MAGI2: variants seen among roughly 807,000 people sequenced by gnomAD.
MAGI2 encodes the protein membrane-associated guanylate kinase, WW and PDZ domain-containing protein 2.
A neutral mutation model predicts 133.3 loss-of-function variants in MAGI2; 35 were observed. The observed-to-expected ratio is 0.26, with a 90% CI of 0.20 to 0.35. The LOEUF is 0.35. Ranked by LOEUF, MAGI2 falls within the 10% of genes least tolerant of loss-of-function variation. The pLI is 1.00. For synonymous variants in MAGI2, 729 were observed against 710.6 expected (o/e 1.03, Z -0.41); for missense variants, 1,636 against 1,863.4 (o/e 0.88, Z 2.25).
intron 6 of MAGI2, among the ~76,000 whole-genome samples, chr7:78,384,187 T>C (rs1585076124): frequency 1.3e-5 from 2 of 152,262 alleles, no homozygotes; most frequent in East Asian, 3.9e-4. Context: ...GTTTGGACAA[T>C]GTAGTCATTT....
intron 5 of MAGI2, among the ~76,000 whole-genome samples, chr7:78,497,438 GT>G (rs1794189270): frequency 6.6e-6 from 1 of 152,164 alleles, no homozygotes; most frequent in Non-Finnish European, 1.5e-5. Flanking sequence ...TGGCCTGCTA[GT>G]TTACCAGGGT....
At chr7:78,867,253 C>T (rs1012691864) in intron 2 of MAGI2, among the ~76,000 whole-genome samples, 14 of 151,224 alleles carry the variant, frequency 9.3e-5, no homozygotes, top group South Asian at 2.1e-4. Flanking sequence ...ATGTTTATTG[C>T]GGCATTATTC....
At chr7:79,195,745 A>G (rs2129551504) in intron 1 of MAGI2, among the ~76,000 whole-genome samples, 1 of 151,928 alleles carries the variant, frequency 6.6e-6, no homozygotes, top group Admixed American at 6.6e-5. Flanking sequence ...TATTAAAGTA[A>G]TATCTGTCCT....
intron 21 of MAGI2, among the ~76,000 whole-genome samples, chr7:78,077,129 G>C (rs1585030693): frequency 6.6e-6 from 1 of 151,950 alleles, no homozygotes; most frequent in African/African-American, 2.4e-5. Flanking sequence ...AGTCATGCAG[G>C]TTAGATTAAC....
chr7:78,421,490 G>A (rs1006361219), intron 6 of MAGI2, among the ~76,000 whole-genome samples: 26 of 152,034 alleles, frequency 1.7e-4, no homozygotes, highest in African/African-American at 5.6e-4. Flanking sequence ...GATTATTTTC[G>A]TCACATATAA....
At chr7:78,649,242 A>AAAAAAAAAAAAAAAAG (rs1554512645) in intron 2 of MAGI2, among the ~76,000 whole-genome samples, 1 of 149,550 alleles carries the variant, frequency 6.7e-6, no homozygotes, top group Non-Finnish European at 1.5e-5. Context: ...AAAAGAAAAA[A>AAAAAAAAAAAAAAAAG]AAAGAAAAAA....
At chr7:79,172,534 CAT>C (rs1825717136) in intron 1 of MAGI2, among the ~76,000 whole-genome samples, 2 of 151,944 alleles carry the variant, frequency 1.3e-5, no homozygotes, top group Non-Finnish European at 2.9e-5. Context: ...ATTGATATAT[CAT>C]GTTAATAGTT....
intron 1 of MAGI2, among the ~76,000 whole-genome samples, chr7:79,100,190 AT>A (rs1021279273): frequency 3.3e-5 from 5 of 152,012 alleles, no homozygotes; most frequent in African/African-American, 1.2e-4. Flanking sequence ...CTTTATTATT[AT>A]TTTAGTATTA....
chr7:78,732,133 C>A (rs1821423028), intron 2 of MAGI2, among the ~76,000 whole-genome samples: 1 of 152,086 alleles, frequency 6.6e-6, no homozygotes, highest in Non-Finnish European at 1.5e-5. Context: ...TTAGGAAGAG[C>A]ACCTCCATCA....
chr7:79,177,217 T>G (rs1826179495), intron 1 of MAGI2: 1 of 152,044 alleles, frequency 6.6e-6, no homozygotes, highest in African/African-American at 2.4e-5. Context: ...ATAATTTCTT[T>G]TGTACTATAT....
At chr7:78,517,777 C>T (rs10246978) in intron 4 of MAGI2, among the ~76,000 whole-genome samples, 90,966 of 151,870 alleles carry the variant, frequency 0.6, 27,617 homozygotes, top group African/African-American at 0.69. Flanking sequence ...TTACTAGGTG[C>T]CATGGGCTAA....
intron 5 of MAGI2, among the ~76,000 whole-genome samples, chr7:78,495,889 AT>A (rs1332369194): frequency 1.9e-4 from 29 of 152,274 alleles, no homozygotes; most frequent in African/African-American, 4.3e-4. Flanking sequence ...AAGAAAAAAA[AT>A]ATATGAAAAA....
At position 78,597,385 on chromosome 7, in the gene MAGI2, G is replaced by A. The variant is rs10231539; in HGVS notation, c.538+29735C>T. Among the ~76,000 whole-genome samples the A allele has an allele frequency of 7.3e-3, 989 of 136,266 alleles. 11 individuals are homozygous for A. Among genetic ancestry groups the A allele is most frequent in the African/African-American group, 0.026 (955 of 36,908 alleles). 89.4% of individuals were successfully genotyped at this position (136,266 alleles called of 152,430 possible). The stretch of plus-strand genomic sequence containing the variant: ...ATAAATGAATTCCTTGGGGGGGGGG[G>A]TCTTATAAATAATTTTAGATTTGGA... On this transcript the variant is annotated intron_variant, in intron 3 of 21. Coordinates refer to ENST00000354212, the MANE Select transcript of MAGI2 (RefSeq NM_012301.4).
intron 6 of MAGI2, among the ~76,000 whole-genome samples, chr7:78,432,312 C>T (rs1799870993): frequency 6.6e-6 from 1 of 151,790 alleles, no homozygotes; most frequent in Non-Finnish European, 1.5e-5. Context: ...ATGTTATTAA[C>T]TCCTCTGATA....
At chr7:79,196,328 G>A (rs1484093077) in intron 1 of MAGI2, among the ~76,000 whole-genome samples, 18 of 151,920 alleles carry the variant, frequency 1.2e-4, no homozygotes, top group Admixed American at 1.2e-3. Context: ...ATTTAGTTAA[G>A]TAACATGTAC....
chr7:79,142,001 GT>G (rs1209539827), intron 1 of MAGI2, among the ~76,000 whole-genome samples: 1 of 151,892 alleles, frequency 6.6e-6, no homozygotes, highest in Non-Finnish European at 1.5e-5. Flanking sequence ...GTCCTTCCAG[GT>G]TATTTACCAT....
chr7:78,509,717 C>G (rs1795407654), intron 4 of MAGI2, among the ~76,000 whole-genome samples: 1 of 152,156 alleles, frequency 6.6e-6, no homozygotes, highest in South Asian at 2.1e-4. Flanking sequence ...TCAACGTTCC[C>G]ACCCAGTTTC....
chr7:78,580,355 G>A (rs879937460), intron 3 of MAGI2, among the ~76,000 whole-genome samples: 1 of 152,142 alleles, frequency 6.6e-6, no homozygotes, highest in Non-Finnish European at 1.5e-5. Flanking sequence ...TCTTGAAAAG[G>A]ACAATAGGTT....
At chr7:79,316,827 TG>T (rs1384456259) in intron 1 of MAGI2, among the ~76,000 whole-genome samples, 2 of 152,128 alleles carry the variant, frequency 1.3e-5, no homozygotes, top group Non-Finnish European at 2.9e-5. Context: ...AGTTATCCTG[TG>T]TGGTGAGTCT....
Sources: allele counts gnomAD v4.1 joint callset (sites outside exome capture counted in the v4.1 genomes callset), GRCh38; gene constraint gnomAD v4.1.1; transcripts MANE v1.5; gene names NCBI Gene and HGNC (gene_info 2026-07-23, HGNC 2026-07-21).